Variants in DPF3 observed in about 807,000 individuals in gnomAD.
DPF3 encodes double PHD fingers 3.
A neutral mutation model predicts 56.8 loss-of-function variants in DPF3; 18 were observed. The ratio of observed to expected loss-of-function variants is 0.32; its 90% CI spans 0.22 to 0.47. DPF3 has a LOEUF of 0.47. Among genes scored for constraint, DPF3 ranks in the 20% least tolerant of loss-of-function variants. The probability of loss-of-function intolerance (pLI) is 1.00; values close to 1 mark genes in which losing one functional copy is unlikely to be tolerated. For missense variants in DPF3, 403 were observed against 488.8 expected (o/e 0.82, Z 1.65); for synonymous variants, 188 against 180.2 (o/e 1.04, Z -0.35).
intron 6 of DPF3, 47 bp downstream of exon 6, chr14:72,714,376 G>A (rs927583172): frequency 6.2e-6 from 10 of 1,607,706 alleles, no homozygotes; most frequent in Admixed American, 1.7e-5. Flanking sequence ...GGGGCCCTGG[G>A]GGCAGGCGCA....
chr14:72,771,920 G>A (rs1891549229), intron 1 of DPF3, 27 bp from the exon 2 acceptor site: 1 of 1,503,932 alleles, frequency 6.6e-7, no homozygotes, highest in South Asian at 1.3e-5. Context: ...GTGAAGGGGT[G>A]AGGCCAGGGA....
At chr14:72,868,490 G>A (rs1689044691) in intron 1 of DPF3, among the ~76,000 whole-genome samples, 1 of 152,210 alleles carries the variant, frequency 6.6e-6, no homozygotes, top group Non-Finnish European at 1.5e-5. Flanking sequence ...CCGATTGCAT[G>A]GCCTCACCCC....
At chr14:72,743,390 T>C (rs1890205883) in intron 3 of DPF3, among the ~76,000 whole-genome samples, 1 of 151,902 alleles carries the variant, frequency 6.6e-6, no homozygotes, top group Non-Finnish European at 1.5e-5. Flanking sequence ...ACCAGGATCC[T>C]GGCATCACCA....
At chr14:72,700,242 TG>T (rs1567204607) in intron 6 of DPF3, among the ~76,000 whole-genome samples, 1 of 152,182 alleles carries the variant, frequency 6.6e-6, no homozygotes, top group Non-Finnish European at 1.5e-5. Flanking sequence ...GCAAACACCA[TG>T]GGCCAGCTTC....
intron 1 of DPF3, among the ~76,000 whole-genome samples, chr14:72,893,273 T>C (rs1486187282): frequency 6.6e-6 from 1 of 151,812 alleles, no homozygotes. Flanking sequence ...AGAACACCAT[T>C]CATAAGACCT....
At chr14:72,674,010 C>T (rs1289820305) in intron 8 of DPF3, 68 of 572,416 alleles carry the variant, frequency 1.2e-4, no homozygotes, top group Non-Finnish European at 1.2e-5. Flanking sequence ...AAAGGCCAGA[C>T]ACAAACCCAA....
intron 8 of DPF3, among the ~76,000 whole-genome samples, chr14:72,637,997 G>C (rs751341622): frequency 6.6e-6 from 1 of 152,154 alleles, no homozygotes; most frequent in Non-Finnish European, 1.5e-5. Context: ...CATGCAATAA[G>C]TTAGGCCTAT....
chr14:72,681,403 A>C (rs2153571596), intron 7 of DPF3, among the ~76,000 whole-genome samples: 1 of 152,276 alleles, frequency 6.6e-6, no homozygotes, highest in African/African-American at 2.4e-5. Context: ...TTAGTCAACC[A>C]GAATGGAAGG....
In DPF3 at chr14:72,637,234, G is replaced by A. The variant is rs539163780; in HGVS notation, c.872-7498C>T. ...GTGTGGTCCAAGGTGGAGTCTCTAG[G>A]AAGTGGATCTACACCTGTCTATAAG... is the stretch of plus-strand genomic sequence containing the variant. On this transcript the variant is annotated intron_variant, in intron 8 of 10. Coordinates refer to ENST00000556509, the MANE Select transcript of DPF3 (RefSeq NM_001280542.3). Among the ~76,000 whole-genome samples the A allele has an allele frequency of 6.8e-5, 9 of 131,412 alleles. No homozygotes were observed. The South Asian group carries it at 2.3e-3, about 33-fold the overall frequency. 86.2% of individuals were successfully genotyped at this position (131,412 alleles called of 152,430 possible).
Position 72,693,021 on chromosome 14 carries a change from C to T in DPF3, c.742+55G>A, listed in dbSNP as rs1599362196. ...TGAGAAAAAGGAACAAGGAACGCTCCCCAGCCTGTCTAACCCACTTCTTCA... is the reference window on the plus strand; with the variant it reads ...TGAGAAAAAGGAACAAGGAACGCTCTCCAGCCTGTCTAACCCACTTCTTCA... On this transcript the variant is annotated intron_variant, in intron 7 of 10. Coordinates refer to ENST00000556509, the MANE Select transcript of DPF3 (RefSeq NM_001280542.3). 1.9e-6 allele frequency: 3 copies of T among 1,606,628 alleles called. No homozygotes were observed. In the Middle Eastern group the frequency reaches 5.0e-4, roughly 268 times the overall value.
chr14:72,719,379 A>AT (rs1889074789), intron 5 of DPF3, among the ~76,000 whole-genome samples: 1 of 152,084 alleles, frequency 6.6e-6, no homozygotes, highest in Admixed American at 6.5e-5. Flanking sequence ...CTTGCTATTT[A>AT]AAGTGTGGTC....
chr14:72,761,380 C>G (rs1227030079), intron 2 of DPF3, among the ~76,000 whole-genome samples: 1 of 151,962 alleles, frequency 6.6e-6, no homozygotes, highest in East Asian at 1.9e-4. Context: ...TATTCTCTGA[C>G]CATTTGGAAT....
intron 2 of DPF3, among the ~76,000 whole-genome samples, chr14:72,767,496 A>C (rs1891334692): frequency 6.6e-6 from 1 of 152,162 alleles, no homozygotes; most frequent in African/African-American, 2.4e-5. Context: ...AAAAATAAAA[A>C]AGCTCTCAAT....
intron 1 of DPF3, among the ~76,000 whole-genome samples, chr14:72,880,197 T>C (rs777937428): frequency 4.6e-5 from 7 of 152,210 alleles, no homozygotes; most frequent in Non-Finnish European, 7.3e-5. Flanking sequence ...TGTGCCAGGC[T>C]CTGGGCTAGA....
intron 4 of DPF3, among the ~76,000 whole-genome samples, chr14:72,729,629 T>G (rs1599390149): frequency 6.6e-6 from 1 of 152,142 alleles, no homozygotes; most frequent in Non-Finnish European, 1.5e-5. Context: ...TGAAAAGACA[T>G]GAAGGAACCT....
intron 1 of DPF3, among the ~76,000 whole-genome samples, chr14:72,799,274 T>C (rs546484957): frequency 1.3e-5 from 2 of 152,310 alleles, no homozygotes; most frequent in Non-Finnish European, 2.9e-5. Flanking sequence ...ACCTCCATTT[T>C]CTACCTCTCC....
chr14:72,892,370 C>T, intron 1 of DPF3: 1 of 1,528,532 alleles, frequency 6.5e-7, no homozygotes, highest in Non-Finnish European at 8.7e-7. Context: ...AACGCTGTGG[C>T]GTTCAAGCGC....
intron 5 of DPF3, among the ~76,000 whole-genome samples, chr14:72,721,587 G>A (rs545992359): frequency 6.6e-6 from 1 of 152,264 alleles, no homozygotes; most frequent in South Asian, 2.1e-4. Context: ...CTGTATAAGG[G>A]AGAGATCAGG....
At chr14:72,707,494 T>C (rs1036054826) in intron 6 of DPF3, among the ~76,000 whole-genome samples, 9 of 152,210 alleles carry the variant, frequency 5.9e-5, no homozygotes, top group African/African-American at 1.2e-4. Context: ...CAGTAGAACA[T>C]TGAGCAAATT....
Sources: gnomAD v4.1 joint callset for allele counts (sites outside exome capture counted in the v4.1 genomes callset) on GRCh38, gnomAD v4.1.1 for gene constraint, MANE v1.5 for transcripts, NCBI Gene and HGNC (gene_info 2026-07-23, HGNC 2026-07-21) for gene names.